Variants in BAIAP2 observed in about 807,000 individuals in gnomAD.
The protein encoded by BAIAP2 is BAR/IMD domain-containing adapter protein 2.
A neutral mutation model predicts 63.0 loss-of-function variants in BAIAP2; 18 were observed. The observed-to-expected ratio is 0.29, with a 90% CI of 0.20 to 0.42. The LOEUF is 0.42. Ranked by LOEUF, BAIAP2 falls within the 10% of genes least tolerant of loss-of-function variation. The probability of loss-of-function intolerance (pLI) is 1.00; values close to 1 mark genes in which losing one functional copy is unlikely to be tolerated. For synonymous variants in BAIAP2, 386 were observed against 307.6 expected, an observed-to-expected ratio of 1.25 and a Z score of -2.67; for missense variants, 610 against 734.3, an observed-to-expected ratio of 0.83 and a Z score of 1.96.
intron 1 of BAIAP2, among the ~76,000 whole-genome samples, chr17:81,051,610 T>TATCC (rs1452641796): frequency 6.6e-6 from 1 of 152,174 alleles, no homozygotes; most frequent in Non-Finnish European, 1.5e-5. Flanking sequence ...TTGGCCAGGA[T>TATCC]GGTCTCCATC....
At position 81,100,067 on chromosome 17, in the gene BAIAP2, C is replaced by T; in HGVS notation, c.629C>T (p.Ala210Val). ...KQCAVAKNSA[A>V]YHSKGKELLA... is the part of the protein sequence containing the mutation. ...TGCGCCGTGGCCAAGAACTCCGCGG[C>T]CTACCACTCCAAGGTGAGGCGGCTG... Residue 210 changes from alanine to valine, a missense_variant, in exon 7 of 14, where the codon GCC becomes GTC. Around this residue, in one of 5 missense-constraint regions of BAIAP2, gnomAD observed 389 missense variants for 455.6 expected, o/e 0.85. Transcript: ENST00000428708. The T allele has an allele frequency of 6.2e-7, 1 of 1,610,722 alleles. No individual in the cohort carries two copies. The highest frequency in any genetic ancestry group is 8.5e-7 in the Non-Finnish European group (1 of 1,179,290).
intron 6 of BAIAP2, among the ~76,000 whole-genome samples, chr17:81,095,012 G>A (rs534436706): frequency 3.3e-5 from 5 of 152,344 alleles, no homozygotes; most frequent in African/African-American, 9.6e-5. Context: ...CGCATGCTGC[G>A]GAGAGGAGAG....
At chr17:81,061,952 G>GT (rs940046164) in intron 3 of BAIAP2, among the ~76,000 whole-genome samples, 11 of 151,682 alleles carry the variant, frequency 7.3e-5, no homozygotes, top group South Asian at 6.2e-4. Flanking sequence ...AGTGGTTTTA[G>GT]TTTTTTTTGA....
chr17:81,111,770 C>T (rs1331632586), intron 13 of BAIAP2, among the ~76,000 whole-genome samples: 1 of 152,232 alleles, frequency 6.6e-6, no homozygotes, highest in Non-Finnish European at 1.5e-5. Flanking sequence ...ATAGGGGGCC[C>T]TTGCCCACAC....
chr17:81,086,611 T>TC lies in BAIAP2; in HGVS notation c.489+33dup, dbSNP rs750628284. The stretch of plus-strand genomic sequence containing the variant: ...CCCGCCACCCCCGCTGTGGTGCCTC[T>TC]CCTGCCACCTTGGGACTGCTCACCC... On this transcript the variant is annotated intron_variant, in intron 6 of 13. Transcript: ENST00000428708. The TC allele has an allele frequency of 3.2e-5, 52 of 1,611,032 alleles. No individual in the cohort carries two copies. In the African/African-American group the frequency reaches 6.0e-4, roughly 19 times the overall value.
intron 1 of BAIAP2, among the ~76,000 whole-genome samples, chr17:81,049,386 G>A (rs993900896): frequency 1.3e-5 from 2 of 152,218 alleles, no homozygotes; most frequent in African/African-American, 4.8e-5. Flanking sequence ...CTTCAGAGCC[G>A]CCGTGTGGGG....
intron 6 of BAIAP2, among the ~76,000 whole-genome samples, chr17:81,096,159 C>T (rs1025869913): frequency 2.6e-5 from 4 of 152,162 alleles, no homozygotes; most frequent in Non-Finnish European, 4.4e-5. Context: ...GTGTGGAGGC[C>T]GTGGCTCTGG....
Position 81,042,575 on chromosome 17 carries a change from G to A in BAIAP2, c.54+7267G>A, listed in dbSNP as rs1039720317. Among the ~76,000 whole-genome samples, 3 of 152,212 alleles carry A rather than the reference G, an allele frequency of 2.0e-5. No homozygotes were observed. The East Asian group carries it at 5.8e-4, about 29-fold the overall frequency. On this transcript the variant is annotated intron_variant, in intron 1 of 13. Transcript: ENST00000428708. Reference sequence around the variant, plus strand: ...GTGCCCCTGCCTGGTTGTGGCAGGGGACAGTCAGCAGGTGGGCCATGCCAG... The same window carrying A: ...GTGCCCCTGCCTGGTTGTGGCAGGGAACAGTCAGCAGGTGGGCCATGCCAG...
At chr17:81,074,550 T>G (rs1041021218) in intron 3 of BAIAP2, among the ~76,000 whole-genome samples, 19 of 149,672 alleles carry the variant, frequency 1.3e-4, no homozygotes, top group African/African-American at 4.0e-4. Flanking sequence ...TGCACAGATG[T>G]GTGAGTGCCT....
chr17:81,051,846 C>A (rs1465764335), intron 1 of BAIAP2, among the ~76,000 whole-genome samples: 1 of 152,198 alleles, frequency 6.6e-6, no homozygotes, highest in Non-Finnish European at 1.5e-5. Context: ...TGCACCACCA[C>A]ACCCAGCTAA....
At chr17:81,098,282 C>A in intron 6 of BAIAP2, 2 of 1,032,676 alleles carry the variant, frequency 1.9e-6, no homozygotes, top group Non-Finnish European at 2.5e-6. Context: ...GCCTGGGAGG[C>A]AGCGGCCGCC....
At chr17:81,101,657 G>A (rs1273387740) in intron 7 of BAIAP2, among the ~76,000 whole-genome samples, 3 of 152,104 alleles carry the variant, frequency 2.0e-5, no homozygotes, top group Non-Finnish European at 4.4e-5. Context: ...ACACGCACGT[G>A]ATACAGAACC....
intron 6 of BAIAP2, 90 bp from the exon 7 acceptor site, chr17:81,099,836 GTC>G (rs1441913419): frequency 1.4e-6 from 2 of 1,423,432 alleles, no homozygotes; most frequent in Non-Finnish European, 1.9e-6. Context: ...AATGAGACGT[GTC>G]CTTTGACTGA....
intron 3 of BAIAP2, among the ~76,000 whole-genome samples, chr17:81,070,418 A>C (rs544017125): frequency 6.6e-6 from 1 of 152,304 alleles, no homozygotes; most frequent in African/African-American, 2.4e-5. Context: ...ACTTGTGGCC[A>C]AAAGGGAGGT....
intron 3 of BAIAP2, among the ~76,000 whole-genome samples, chr17:81,060,282 AT>A (rs966048534): frequency 2.0e-5 from 3 of 150,940 alleles, no homozygotes; most frequent in African/African-American, 7.4e-5. Flanking sequence ...ACTCCAAAGC[AT>A]TTTTATCACC....
chr17:81,070,102 G>A (rs1314651583), intron 3 of BAIAP2, among the ~76,000 whole-genome samples: 1 of 152,210 alleles, frequency 6.6e-6, no homozygotes, highest in Non-Finnish European at 1.5e-5. Context: ...AGGACTACAG[G>A]TGTGTGCTGT....
At position 81,116,632 on chromosome 17, in the gene BAIAP2, TG is replaced by T. The variant is rs2060553707; in HGVS notation, c.*796del. On this transcript the variant is annotated 3_prime_UTR_variant, in exon 14 of 14. Transcript: ENST00000428708. ...CTTCCGGGGTCTGCCCCAGGACTCC[TG>T]GGTGGACCTCCCCCCCCCACCTCCG... 2.5e-6 allele frequency: 1 copy of T among 401,052 alleles called. No homozygotes were observed. The highest frequency in any genetic ancestry group is 2.0e-5 in the African/African-American group (1 of 50,130). The allele number at this position is 401,052 out of a possible 1,614,324, so 24.8% of individuals were successfully genotyped here.
chr17:81,055,858 G>A (rs919203596), intron 2 of BAIAP2, among the ~76,000 whole-genome samples: 16 of 152,206 alleles, frequency 1.1e-4, no homozygotes, highest in East Asian at 5.8e-4. Flanking sequence ...GAGCCACCGC[G>A]CCCGGCCGTC....
At chr17:81,098,783 C>A (rs1335256239) in intron 6 of BAIAP2, among the ~76,000 whole-genome samples, 1 of 152,172 alleles carries the variant, frequency 6.6e-6, no homozygotes, top group Non-Finnish European at 1.5e-5. Flanking sequence ...TGGTCAGAGC[C>A]AGGGCCACAG....
Sources: allele counts gnomAD v4.1 joint callset (sites outside exome capture counted in the v4.1 genomes callset), GRCh38; gene constraint gnomAD v4.1.1; regional missense constraint gnomAD v4.1.1; transcripts MANE v1.5; gene names NCBI Gene and HGNC (gene_info 2026-07-23, HGNC 2026-07-21).